The following EXOC4 variants were observed in gnomAD, a reference collection of about 807,000 sequenced individuals.
EXOC4 encodes the protein exocyst complex component 4.
Under a neutral mutation model 107.2 loss-of-function variants are expected in EXOC4, and 71 were observed. The ratio of observed to expected loss-of-function variants is 0.66; its 90% CI spans 0.55 to 0.81. EXOC4 has a LOEUF of 0.81. Ranked by LOEUF, EXOC4 falls within the 30% of genes least tolerant of loss-of-function variation. The pLI is 0.00. For missense variants in EXOC4, 1,108 were observed against 1,189.6 expected (o/e 0.93, Z 1.01); for synonymous variants, 456 against 441.2 (o/e 1.03, Z -0.42).
intron 1 of EXOC4, among the ~76,000 whole-genome samples, chr7:133,255,931 T>C (rs1795006532): frequency 6.6e-6 from 1 of 152,186 alleles, no homozygotes; most frequent in Admixed American, 6.5e-5. Flanking sequence ...TTCTGTTCAA[T>C]TTATGTCCTT....
rs180791811 is a variant in EXOC4 at position 133,839,646 on chromosome 7, A to G, written c.1734+22102A>G. On this transcript the variant is annotated intron_variant, in intron 11 of 17. Transcript: ENST00000253861. Reference sequence around the variant, plus strand: ...TCTTTTGAGCTTTAAGGTATCAGCCATGGAGGACTTGTACCAAGACCGGAA... The same window carrying G: ...TCTTTTGAGCTTTAAGGTATCAGCCGTGGAGGACTTGTACCAAGACCGGAA... Among the ~76,000 whole-genome samples, 39 of 152,342 alleles carry G rather than the reference A, an allele frequency of 2.6e-4. No homozygotes were observed. In the East Asian group the frequency reaches 5.0e-3, roughly 20 times the overall value.
intron 5 of EXOC4, among the ~76,000 whole-genome samples, chr7:133,321,394 A>G (rs1402634706): frequency 3.3e-5 from 5 of 151,892 alleles, no homozygotes; most frequent in African/African-American, 9.7e-5. Flanking sequence ...TATATTAGGT[A>G]TTTCTCCTAA....
At chr7:133,331,951 A>T (rs1795405286) in intron 5 of EXOC4, among the ~76,000 whole-genome samples, 1 of 152,218 alleles carries the variant, frequency 6.6e-6, no homozygotes, top group Non-Finnish European at 1.5e-5. Flanking sequence ...TAGATGTAGT[A>T]GTTCAACTAT....
intron 11 of EXOC4, among the ~76,000 whole-genome samples, chr7:133,845,573 G>A (rs1478001663): frequency 6.6e-6 from 1 of 151,816 alleles, no homozygotes; most frequent in African/African-American, 2.4e-5. Flanking sequence ...AACTTGGTGG[G>A]CTTTCTCCCT....
chr7:134,063,979 ACTTTT>A (rs1796129159), intron 17 of EXOC4, among the ~76,000 whole-genome samples: 1 of 152,166 alleles, frequency 6.6e-6, no homozygotes, highest in Admixed American at 6.5e-5. Flanking sequence ...CTATACCCCT[ACTTTT>A]CTTTCCTTTC....
intron 10 of EXOC4, among the ~76,000 whole-genome samples, chr7:133,780,129 C>T (rs1316342684): frequency 6.6e-6 from 1 of 151,886 alleles, no homozygotes; most frequent in African/African-American, 2.4e-5. Flanking sequence ...GTCATATTAT[C>T]AAAAAACTAG....
At chr7:133,892,842 C>A (rs1299295488) in intron 11 of EXOC4, among the ~76,000 whole-genome samples, 2 of 144,736 alleles carry the variant, frequency 1.4e-5, no homozygotes, top group African/African-American at 5.4e-5. Context: ...AGCTTTACTT[C>A]CAACTATGTG....
intron 10 of EXOC4, among the ~76,000 whole-genome samples, chr7:133,690,354 C>G (rs1794393110): frequency 6.6e-6 from 1 of 152,150 alleles, no homozygotes; most frequent in African/African-American, 2.4e-5. Flanking sequence ...CGTGAGATAC[C>G]TCCTCCTCAG....
chr7:133,870,106 G>A (rs568131014), intron 11 of EXOC4, among the ~76,000 whole-genome samples: 130 of 152,276 alleles, frequency 8.5e-4, no homozygotes, highest in Middle Eastern at 3.4e-3. Context: ...TATATCTAGT[G>A]AAGGTTGCAG....
intron 7 of EXOC4, among the ~76,000 whole-genome samples, chr7:133,434,983 G>T (rs529850955): frequency 6.6e-6 from 1 of 152,164 alleles, no homozygotes. Context: ...CTGATTTTCA[G>T]TGTGGCTTAA....
intron 9 of EXOC4, chr7:133,480,425 A>G (rs1203863650): frequency 6.0e-6 from 7 of 1,168,240 alleles, no homozygotes; most frequent in East Asian, 4.4e-5. Flanking sequence ...TCCAGTCACA[A>G]TCTAGGAGAA....
chr7:133,323,249 T>C (rs1234065680), intron 5 of EXOC4, among the ~76,000 whole-genome samples: 1 of 152,192 alleles, frequency 6.6e-6, no homozygotes, highest in Admixed American at 6.5e-5. Context: ...CAATAGTATG[T>C]TGAATAGGAG....
chr7:133,325,704 C>A (rs1172017294), intron 5 of EXOC4, among the ~76,000 whole-genome samples: 1 of 152,118 alleles, frequency 6.6e-6, no homozygotes, highest in Non-Finnish European at 1.5e-5. Flanking sequence ...AGTTGCTCTT[C>A]TTGAGGATTA....
At chr7:133,412,280 T>TG (rs982230276) in intron 7 of EXOC4, among the ~76,000 whole-genome samples, 1 of 139,888 alleles carries the variant, frequency 7.1e-6, no homozygotes, top group Non-Finnish European at 1.5e-5. Flanking sequence ...AGAATTCAGT[T>TG]TTTTTTTTTT....
At chr7:133,338,212 T>C (rs985037247) in intron 5 of EXOC4, among the ~76,000 whole-genome samples, 1 of 152,170 alleles carries the variant, frequency 6.6e-6, no homozygotes, top group Non-Finnish European at 1.5e-5. Context: ...TAAAAATGTT[T>C]AGTGATACAA....
intron 9 of EXOC4, among the ~76,000 whole-genome samples, chr7:133,527,682 T>A (rs1800106146): frequency 6.6e-6 from 1 of 152,164 alleles, no homozygotes; most frequent in African/African-American, 2.4e-5. Context: ...AGGTTTCGGT[T>A]CATTTTGTGA....
chr7:133,526,328 C>T (rs1460767596), intron 9 of EXOC4, among the ~76,000 whole-genome samples: 1 of 152,050 alleles, frequency 6.6e-6, no homozygotes, highest in South Asian at 2.1e-4. Flanking sequence ...ATGACTCTTT[C>T]TTTATTCAAG....
chr7:133,894,798 A>G (rs1799263308), intron 11 of EXOC4, among the ~76,000 whole-genome samples: 2 of 83,828 alleles, frequency 2.4e-5, no homozygotes. Context: ...TCAGATCTCC[A>G]GCTGCGTGCT....
intron 12 of EXOC4, among the ~76,000 whole-genome samples, chr7:133,909,390 A>G (rs1799638785): frequency 6.6e-6 from 1 of 152,212 alleles, no homozygotes; most frequent in Admixed American, 6.5e-5. Flanking sequence ...TGAGGAGAGT[A>G]GGTTCAGGGA....
Sources: allele counts gnomAD v4.1 joint callset (sites outside exome capture counted in the v4.1 genomes callset), GRCh38; gene constraint gnomAD v4.1.1; transcripts MANE v1.5; gene names NCBI Gene and HGNC (gene_info 2026-07-23, HGNC 2026-07-21).